Variants in EPB41L4A observed in about 807,000 individuals in gnomAD.
The protein encoded by EPB41L4A is band 4.1-like protein 4A.
Under a neutral mutation model 108.6 loss-of-function variants are expected in EPB41L4A, and 100 were observed. That is an observed-to-expected ratio of 0.92 (90% CI 0.78 to 1.09). The LOEUF is 1.09. Among genes scored for constraint, EPB41L4A ranks in the 50% least tolerant of loss-of-function variants. The probability of loss-of-function intolerance (pLI) is 0.00; values close to 1 mark genes in which losing one functional copy is unlikely to be tolerated. For missense variants in EPB41L4A, 1,030 were observed against 842.7 expected, an observed-to-expected ratio of 1.22 and a Z score of -2.75; for synonymous variants, 319 against 289.0, an observed-to-expected ratio of 1.10 and a Z score of -1.05.
intron 20 of EPB41L4A, 92 bp from the exon 21 acceptor site, chr5:112,169,197 C>T (rs1760433485): frequency 1.1e-6 from 1 of 900,470 alleles, no homozygotes; most frequent in East Asian, 2.4e-5. Context: ...AAAAGAATAA[C>T]AACTTTCAGA....
intron 16 of EPB41L4A, among the ~76,000 whole-genome samples, chr5:112,195,232 G>A (rs1561465581): frequency 6.6e-6 from 1 of 151,996 alleles, no homozygotes; most frequent in Non-Finnish European, 1.5e-5. Flanking sequence ...GAGGTCCCAG[G>A]CCTCCAGCCT....
chr5:112,210,569 T>C (rs1762687027), intron 12 of EPB41L4A, among the ~76,000 whole-genome samples: 1 of 152,188 alleles, frequency 6.6e-6, no homozygotes, highest in Non-Finnish European at 1.5e-5. Context: ...AAGTTGTTAT[T>C]CCATAGATTT....
At chr5:112,336,606 T>C (rs1461608234) in intron 1 of EPB41L4A, among the ~76,000 whole-genome samples, 1 of 152,132 alleles carries the variant, frequency 6.6e-6, no homozygotes, top group Non-Finnish European at 1.5e-5. Context: ...GCCCTGTAAT[T>C]AGGGCTTACC....
At chr5:112,392,861 G>C (rs950121847) in intron 1 of EPB41L4A, 2 of 152,150 alleles carry the variant, frequency 1.3e-5, no homozygotes, top group East Asian at 3.8e-4. Flanking sequence ...CTCAGCAAAT[G>C]TAAAAGTACA....
intron 11 of EPB41L4A, among the ~76,000 whole-genome samples, chr5:112,236,970 T>C (rs1749381733): frequency 2.6e-5 from 4 of 152,202 alleles, no homozygotes; most frequent in Admixed American, 2.6e-4. Flanking sequence ...CTTCATAGAA[T>C]GTGAAATCTC....
intron 1 of EPB41L4A, among the ~76,000 whole-genome samples, chr5:112,321,624 A>T (rs905668849): frequency 1.8e-4 from 27 of 152,308 alleles, no homozygotes; most frequent in African/African-American, 6.3e-4. Flanking sequence ...CAAGTTACTC[A>T]TTTGGGGAGC....
intron 1 of EPB41L4A, among the ~76,000 whole-genome samples, chr5:112,390,069 G>C (rs1297045088): frequency 6.6e-6 from 1 of 152,186 alleles, no homozygotes; most frequent in African/African-American, 2.4e-5. Context: ...TCACACTTTA[G>C]GAAAAAGAAG....
chr5:112,298,002 C>T (rs1754115476), intron 2 of EPB41L4A, among the ~76,000 whole-genome samples: 1 of 151,988 alleles, frequency 6.6e-6, no homozygotes, highest in Non-Finnish European at 1.5e-5. Flanking sequence ...ATTTTTATAC[C>T]AATACCATGC....
intron 9 of EPB41L4A, among the ~76,000 whole-genome samples, chr5:112,241,453 A>G (rs1255935997): frequency 6.6e-6 from 1 of 152,222 alleles, no homozygotes. Flanking sequence ...TCTATATTTA[A>G]TAAGTAAGAA....
At chr5:112,196,669 A>T (rs923282565) in intron 15 of EPB41L4A, 1 of 152,106 alleles carries the variant, frequency 6.6e-6, no homozygotes, top group Non-Finnish European at 1.5e-5. Context: ...GCAAAATCCC[A>T]GGCATGGGTG....
chr5:112,175,447 C>T (rs1481812774), intron 18 of EPB41L4A: 1 of 152,174 alleles, frequency 6.6e-6, no homozygotes, highest in Non-Finnish European at 1.5e-5. Flanking sequence ...TTTTATACTA[C>T]TCTACTCTTA....
chr5:112,186,901 T>C (rs1761457714), intron 17 of EPB41L4A, among the ~76,000 whole-genome samples: 3 of 152,222 alleles, frequency 2.0e-5, no homozygotes. Flanking sequence ...GGAGTAACTA[T>C]TTTGTTTATG....
At chr5:112,167,523 C>T (rs1182980007) in intron 22 of EPB41L4A, among the ~76,000 whole-genome samples, 1 of 152,092 alleles carries the variant, frequency 6.6e-6, no homozygotes, top group African/African-American at 2.4e-5. Context: ...AGCCCCTCCC[C>T]AGGAACTGCC....
At chr5:112,268,801 C>T (rs1237708228) in intron 4 of EPB41L4A, among the ~76,000 whole-genome samples, 2 of 138,018 alleles carry the variant, frequency 1.4e-5, no homozygotes, top group Non-Finnish European at 3.0e-5. Flanking sequence ...CATAACTGCA[C>T]CACTGCACTC....
intron 12 of EPB41L4A, among the ~76,000 whole-genome samples, chr5:112,154,532 T>C (rs997512555): frequency 2.0e-5 from 3 of 152,226 alleles, no homozygotes; most frequent in African/African-American, 7.2e-5. Context: ...TTTTTACATA[T>C]AATTTACATG....
intron 22 of EPB41L4A, among the ~76,000 whole-genome samples, chr5:112,167,266 AAC>A (rs1452488673): frequency 1.4e-4 from 21 of 152,342 alleles, no homozygotes; most frequent in African/African-American, 5.1e-4. Context: ...ACAGAGATGA[AAC>A]ACAAATGATT....
chr5:112,211,682 C>G (rs1213966956), intron 12 of EPB41L4A, among the ~76,000 whole-genome samples: 1 of 152,032 alleles, frequency 6.6e-6, no homozygotes, highest in Non-Finnish European at 1.5e-5. Flanking sequence ...AGAGAAACAC[C>G]TGAGCACCCT....
chr5:112,235,534 T>C (rs1440335501), intron 11 of EPB41L4A, among the ~76,000 whole-genome samples: 1 of 152,204 alleles, frequency 6.6e-6, no homozygotes. Context: ...TCTAGTTTGA[T>C]TCACCACAAG....
At chr5:112,355,418 T>C (rs916603796) in intron 1 of EPB41L4A, among the ~76,000 whole-genome samples, 4 of 152,196 alleles carry the variant, frequency 2.6e-5, no homozygotes, top group Admixed American at 1.3e-4. Context: ...AAGAAACACC[T>C]ATAACCTCCT....
Sources: allele counts gnomAD v4.1 joint callset (sites outside exome capture counted in the v4.1 genomes callset), GRCh38; gene constraint gnomAD v4.1.1; transcripts MANE v1.5; gene names NCBI Gene and HGNC (gene_info 2026-07-23, HGNC 2026-07-21).